The following FNDC7 variants were observed in gnomAD, a reference collection of about 807,000 sequenced individuals.
The protein encoded by FNDC7 is fibronectin type III domain-containing protein 7.
In FNDC7, 66 loss-of-function variants were observed where a neutral mutation model predicts 74.2. The ratio of observed to expected loss-of-function variants is 0.89; its 90% CI spans 0.73 to 1.09. The LOEUF is 1.09. Among genes scored for constraint, FNDC7 ranks in the 50% least tolerant of loss-of-function variants. The pLI, the probability that FNDC7 is intolerant of heterozygous loss-of-function variation, is 0.00. For missense variants in FNDC7, 829 were observed against 893.4 expected (o/e 0.93, Z 0.92); for synonymous variants, 307 against 330.2 (o/e 0.93, Z 0.76).
At chr1:108,735,668 T>C (rs1159139326) in intron 10 of FNDC7, among the ~76,000 whole-genome samples, 1 of 152,258 alleles carries the variant, frequency 6.6e-6, no homozygotes, top group African/African-American at 2.4e-5. Context: ...AGATATTTTG[T>C]ACATTTTTCA....
chr1:108,733,649 C>CATTTTT, intron 10 of FNDC7, 117 bp downstream of exon 10: 6 of 612,888 alleles, frequency 9.8e-6, no homozygotes, highest in South Asian at 2.4e-5. Flanking sequence ...AAATTTCTTT[C>CATTTTT]TTTTTTTTTT....
intron 4 of FNDC7, among the ~76,000 whole-genome samples, chr1:108,721,208 G>A (rs1202481255): frequency 1.3e-5 from 2 of 152,082 alleles, no homozygotes; most frequent in African/African-American, 2.4e-5. Flanking sequence ...GGTAGCTCAC[G>A]CCTGTAATCC....
At chr1:108,735,309 G>C (rs1661484053) in intron 10 of FNDC7, among the ~76,000 whole-genome samples, 1 of 152,120 alleles carries the variant, frequency 6.6e-6, no homozygotes, top group Admixed American at 6.6e-5. Context: ...CCATCTCCCT[G>C]TCCTCACTCC....
chr1:108,721,766 C>T (rs958082397), intron 4 of FNDC7, among the ~76,000 whole-genome samples: 3 of 152,196 alleles, frequency 2.0e-5, no homozygotes, highest in Non-Finnish European at 1.5e-5. Flanking sequence ...TTGACACCTT[C>T]CTTCCTTCCT....
chr1:108,732,712 T>TTCCC (rs1661418493), intron 9 of FNDC7, among the ~76,000 whole-genome samples: 1 of 151,842 alleles, frequency 6.6e-6, no homozygotes, highest in Admixed American at 6.6e-5. Context: ...CTTTCTTTCT[T>TTCCC]TCCCTCCCTC....
At chr1:108,735,906 A>G (rs1261090650) in intron 10 of FNDC7, among the ~76,000 whole-genome samples, 1 of 152,174 alleles carries the variant, frequency 6.6e-6, no homozygotes. Flanking sequence ...CCTGGGCTCA[A>G]GCAATCCTCC....
chr1:108,727,828 A>G lies in FNDC7; in HGVS notation c.1132A>G (p.Ile378Val), dbSNP rs763141937. 2 of 1,614,022 alleles carry G rather than the reference A, an allele frequency of 1.2e-6. No homozygotes were observed. Among genetic ancestry groups the G allele is most frequent in the Admixed American group, 3.3e-5 (2 of 60,000 alleles). The change falls in exon 7 of 13, where the codon ATT (isoleucine) becomes GTT (valine). Residue 378 changes from isoleucine to valine, a missense_variant. Coordinates refer to ENST00000370017, the MANE Select transcript of FNDC7 (RefSeq NM_001144937.3). Reference protein sequence around the residue: ...YTTAPCCPSDINPVLVSSDRV... With the variant: ...YTTAPCCPSDVNPVLVSSDRV... ...TTCAGCTCCCTGTTGTCCTAGTGAC[A>G]TTAACCCCGTGTTGGTGTCCAGTGA... is the stretch of plus-strand genomic sequence containing the variant.
intron 5 of FNDC7, among the ~76,000 whole-genome samples, chr1:108,725,444 G>A (rs968704547): frequency 6.6e-6 from 1 of 152,186 alleles, no homozygotes; most frequent in Non-Finnish European, 1.5e-5. Context: ...ATGAAAATTT[G>A]TATGTCTTAA....
chr1:108,725,945 T>G lies in FNDC7; in HGVS notation c.1052T>G (p.Val351Gly), dbSNP rs2101082534. 1 of 1,614,088 alleles carries G rather than the reference T, an allele frequency of 6.2e-7. No homozygotes were observed. Among genetic ancestry groups the G allele is most frequent in the East Asian group, 2.2e-5 (1 of 44,880 alleles). ...SECGFTYFIS[V>G]FVYNKAGQSP... ...TGTGGCTTCACTTATTTTATTAGTG[T>G]TTTTGTCTATAACAAGGCAGGGCAA... Residue 351 changes from valine (V) to glycine (G), a missense_variant, in exon 6 of 13, where the codon GTT becomes GGT. Coordinates refer to ENST00000370017, the MANE Select transcript of FNDC7 (RefSeq NM_001144937.3).
chr1:108,742,077 C>T lies in FNDC7; in HGVS notation c.*190C>T. 2.1e-6 allele frequency: 1 copy of T among 487,484 alleles called. No individual in the cohort carries two copies. The highest frequency in any genetic ancestry group is 2.4e-5 in the South Asian group (1 of 42,328). The allele number at this position is 487,484 out of a possible 1,614,324, so 30.2% of individuals were successfully genotyped here. ...AAGGTCAGGTGTGTCCTCACCTGCA[C>T]AGCAGTTGGAGATCTGCTATGTGAG... On this transcript the variant is annotated 3_prime_UTR_variant, in exon 13 of 13. Coordinates refer to ENST00000370017, the MANE Select transcript of FNDC7 (RefSeq NM_001144937.3).
At chr1:108,737,163 G>T (rs1661534736) in intron 10 of FNDC7, among the ~76,000 whole-genome samples, 1 of 151,846 alleles carries the variant, frequency 6.6e-6, no homozygotes, top group African/African-American at 2.4e-5. Context: ...TAGAGATGGG[G>T]GTTTCGCCAT....
At position 108,727,969 on chromosome 1, in the gene FNDC7, G is replaced by A. The variant is rs1188531292; in HGVS notation, c.1273G>A (p.Ala425Thr). 1 of 1,614,146 alleles carries A rather than the reference G, an allele frequency of 6.2e-7. No homozygotes were observed. Among genetic ancestry groups the A allele is most frequent in the Non-Finnish European group, 8.5e-7 (1 of 1,180,018 alleles). The change falls in exon 7 of 13, where the codon GCT becomes ACT. Residue 425 changes from alanine (A) to threonine (T), a missense_variant. Physicochemically the swap from Ala to Thr is moderately conservative, Grantham distance 58 (BLOSUM62 0). Coordinates refer to ENST00000370017, the MANE Select transcript of FNDC7 (RefSeq NM_001144937.3). Reference sequence around the variant, plus strand: ...CACTACTCCTGCGTGCACCCTTTCGGCTCTAGAGTGTGACACCAAGTACAA... The same window carrying A: ...CACTACTCCTGCGTGCACCCTTTCGACTCTAGAGTGTGACACCAAGTACAA... ...NDTTPACTLS[A>T]LECDTKYNIT... is the part of the protein sequence containing the mutation.
intron 2 of FNDC7, among the ~76,000 whole-genome samples, chr1:108,716,503 A>G (rs76578341): frequency 6.6e-6 from 1 of 152,094 alleles, no homozygotes; most frequent in Non-Finnish European, 1.5e-5. Flanking sequence ...TTCCTCCAGC[A>G]TATATAAGTG....
chr1:108,735,300 C>T (rs1487363720), intron 10 of FNDC7, among the ~76,000 whole-genome samples: 2 of 152,218 alleles, frequency 1.3e-5, no homozygotes, highest in African/African-American at 4.8e-5. Flanking sequence ...GCACCAGTCC[C>T]ATCTCCCTGT....
At chr1:108,719,885 T>C (rs1661060637) in intron 4 of FNDC7, among the ~76,000 whole-genome samples, 1 of 152,146 alleles carries the variant, frequency 6.6e-6, no homozygotes, top group African/African-American at 2.4e-5. Context: ...GTTTCTCCAC[T>C]TGGGGAGGAC....
intron 2 of FNDC7, among the ~76,000 whole-genome samples, chr1:108,716,181 T>C (rs935668227): frequency 7.9e-5 from 12 of 152,146 alleles, no homozygotes; most frequent in African/African-American, 2.7e-4. Flanking sequence ...AGTTAGTTCA[T>C]TCCAATGAAC....
At chr1:108,733,649 CTTTTTTTT>C in intron 10 of FNDC7, 117 bp downstream of exon 10, 5 of 612,890 alleles carry the variant, frequency 8.2e-6, no homozygotes, top group Non-Finnish European at 9.7e-6. Flanking sequence ...AAATTTCTTT[CTTTTTTTT>C]TTTTTTTTTT....
chr1:108,730,969 C>A, intron 9 of FNDC7, 41 bp downstream of exon 9: 1 of 1,563,054 alleles, frequency 6.4e-7, no homozygotes, highest in Non-Finnish European at 8.7e-7. Flanking sequence ...AAGGACTTGA[C>A]TATTATCAAT....
At position 108,737,476 on chromosome 1, in the gene FNDC7, G is replaced by T; in HGVS notation, c.2141-19G>T. 6.4e-7 allele frequency: 1 copy of T among 1,560,918 alleles called. No individual in the cohort carries two copies. The highest frequency in any genetic ancestry group is 1.2e-5 in the South Asian group (1 of 84,514). On this transcript the variant is annotated intron_variant, in intron 10 of 12. Transcript: ENST00000370017. The stretch of plus-strand genomic sequence containing the variant: ...TAAATGAATAGATTTTATTTTAAAT[G>T]CTTGTGTTTTTATTACAGTAACTTG...
Sources: allele counts gnomAD v4.1 joint callset (sites outside exome capture counted in the v4.1 genomes callset), GRCh38; gene constraint gnomAD v4.1.1; transcripts MANE v1.5; gene names NCBI Gene and HGNC (gene_info 2026-07-23, HGNC 2026-07-21).